The following CDH13 variants were observed in gnomAD, a reference collection of about 807,000 sequenced individuals.
The protein encoded by CDH13 is cadherin-13.
A neutral mutation model predicts 63.8 loss-of-function variants in CDH13; 24 were observed. The observed-to-expected ratio is 0.38, with a 90% CI of 0.27 to 0.53. The LOEUF (loss-of-function observed/expected upper bound fraction) is 0.53. Among genes scored for constraint, CDH13 ranks in the 20% least tolerant of loss-of-function variants. The pLI, the probability that CDH13 is intolerant of heterozygous loss-of-function variation, is 0.85. For missense variants in CDH13, 1,049 were observed against 903.1 expected (o/e 1.16, Z -2.07); for synonymous variants, 503 against 355.3 (o/e 1.42, Z -4.67).
chr16:83,026,746 C>T (rs1339698929), intron 2 of CDH13, among the ~76,000 whole-genome samples: 1 of 152,156 alleles, frequency 6.6e-6, no homozygotes, highest in Non-Finnish European at 1.5e-5. Context: ...ACTCAGGGAC[C>T]ACTCAATAAA....
intron 11 of CDH13, among the ~76,000 whole-genome samples, chr16:83,767,591 A>T (rs1189216649): frequency 4.6e-5 from 7 of 152,230 alleles, no homozygotes; most frequent in Non-Finnish European, 8.8e-5. Flanking sequence ...AAAAGTGGAA[A>T]CAACTCCAAT....
At chr16:82,851,518 C>G (rs1340971373) in intron 1 of CDH13, among the ~76,000 whole-genome samples, 1 of 152,022 alleles carries the variant, frequency 6.6e-6, no homozygotes, top group Non-Finnish European at 1.5e-5. Context: ...CCCCTTTTAC[C>G]TCCCCAAGAA....
At chr16:83,738,568 G>C (rs1303779248) in intron 10 of CDH13, among the ~76,000 whole-genome samples, 1 of 152,196 alleles carries the variant, frequency 6.6e-6, no homozygotes, top group Admixed American at 6.5e-5. Context: ...ATGTTTTCTT[G>C]TGATTCCAGC....
At chr16:82,834,865 G>T (rs967485204) in intron 1 of CDH13, among the ~76,000 whole-genome samples, 2 of 152,174 alleles carry the variant, frequency 1.3e-5, no homozygotes, top group Non-Finnish European at 2.9e-5. Context: ...ATTTTTAAGT[G>T]GTTGCATCTT....
intron 3 of CDH13, among the ~76,000 whole-genome samples, chr16:83,050,326 G>C (rs955252372): frequency 3.9e-5 from 6 of 152,008 alleles, no homozygotes; most frequent in African/African-American, 1.5e-4. Context: ...GGAATTGCTG[G>C]CTCATATGAT....
chr16:82,916,553 G>A (rs1474894852), intron 2 of CDH13, among the ~76,000 whole-genome samples: 3 of 149,928 alleles, frequency 2.0e-5, no homozygotes, highest in African/African-American at 4.9e-5. Context: ...CAGCCTGGGT[G>A]ACAGGGTGAG....
chr16:83,710,904 GTTGTGTAGCAT>G (rs1358243951), intron 10 of CDH13, among the ~76,000 whole-genome samples: 1 of 152,178 alleles, frequency 6.6e-6, no homozygotes, highest in East Asian at 1.9e-4. Flanking sequence ...CTCGATCATC[GTTGTGTAGCAT>G]TTGAAGGAGG....
rs150563585 is a variant in CDH13, at chr16:83,368,884, TTATATATATATATATATATATA to T, written c.781+23911_781+23932del. ...TATGGCTGAGTAGTAGTATTCCATG[TTATATATATATATATATATATA>T]TATATATATATATATATATATATAT... On this transcript the variant is annotated intron_variant, in intron 6 of 13. Coordinates refer to ENST00000567109, the MANE Select transcript of CDH13 (RefSeq NM_001257.5). 1.3e-3 allele frequency among the ~76,000 whole-genome samples: 60 copies of T among 47,702 alleles called. No individual in the cohort carries two copies. In the South Asian group the frequency reaches 0.022, roughly 18 times the overall value. The allele number at this position is 47,702 out of a possible 152,430, so 31.3% of individuals were successfully genotyped here. A position where few individuals can be genotyped will look rare whatever the true frequency, so the allele number is the denominator to read the frequency against.
chr16:82,664,587 C>G (rs1912367232), intron 1 of CDH13, among the ~76,000 whole-genome samples: 1 of 152,182 alleles, frequency 6.6e-6, no homozygotes, highest in Non-Finnish European at 1.5e-5. Flanking sequence ...CATTTGATGA[C>G]TGGGAGAAAG....
rs185663520 is a variant in CDH13, at chr16:82,770,869, G to A, written c.46-87493G>A. Among the ~76,000 whole-genome samples the A allele has an allele frequency of 4.9e-3, 747 of 152,118 alleles. 12 individuals are homozygous for A. Among genetic ancestry groups the A allele is most frequent in the Non-Finnish European group, 4.0e-3 (269 of 67,982 alleles). ...ACTAAAAGCGCACACTGCCATGCCC[G>A]GCTAATGTTTTGTATTTTAGTAGAG... On this transcript the variant is annotated intron_variant, in intron 1 of 13. Coordinates refer to ENST00000567109, the MANE Select transcript of CDH13 (RefSeq NM_001257.5).
chr16:83,464,273 G>T (rs756918751), intron 6 of CDH13, among the ~76,000 whole-genome samples: 3 of 152,052 alleles, frequency 2.0e-5, no homozygotes, highest in Non-Finnish European at 2.9e-5. Flanking sequence ...AGCACTTTGG[G>T]AGGCCAAGGT....
intron 8 of CDH13, among the ~76,000 whole-genome samples, chr16:83,648,902 C>A (rs1275408064): frequency 3.3e-5 from 5 of 152,010 alleles, no homozygotes; most frequent in African/African-American, 1.2e-4. Context: ...TCTTTTCCTG[C>A]CTTCTTTTTC....
intron 2 of CDH13, among the ~76,000 whole-genome samples, chr16:82,934,814 C>T (rs765594342): frequency 1.0e-3 from 158 of 152,354 alleles, no homozygotes; most frequent in Middle Eastern, 6.8e-3. Flanking sequence ...AGTTCCTCAT[C>T]TCTGTCTGAG....
intron 1 of CDH13, among the ~76,000 whole-genome samples, chr16:82,686,049 C>A (rs183590580): frequency 6.6e-5 from 10 of 152,120 alleles, no homozygotes; most frequent in African/African-American, 2.4e-4. Context: ...TTTTTTCTCC[C>A]AACTGCAAGT....
At chr16:82,882,873 G>C (rs1043105679) in intron 2 of CDH13, among the ~76,000 whole-genome samples, 8 of 152,108 alleles carry the variant, frequency 5.3e-5, no homozygotes, top group African/African-American at 1.9e-4. Flanking sequence ...AGAAAAAAAG[G>C]ATACTATGAT....
intron 3 of CDH13, among the ~76,000 whole-genome samples, chr16:83,101,135 T>G (rs550120078): frequency 8.1e-4 from 123 of 151,952 alleles, no homozygotes; most frequent in African/African-American, 2.9e-3. Flanking sequence ...ATCCCTGCAT[T>G]TATGGGGCTT....
intron 1 of CDH13, among the ~76,000 whole-genome samples, chr16:82,700,070 A>G (rs555206301): frequency 7.3e-6 from 1 of 137,364 alleles, no homozygotes; most frequent in Non-Finnish European, 1.5e-5. Flanking sequence ...GACACAAAGT[A>G]TATTTTATGG....
At chr16:83,341,210 C>T (rs746113018) in intron 5 of CDH13, among the ~76,000 whole-genome samples, 2 of 152,166 alleles carry the variant, frequency 1.3e-5, no homozygotes, top group African/African-American at 4.8e-5. Context: ...AGCATTATTC[C>T]AGTCTTTTCA....
chr16:83,263,580 A>G (rs886171269), intron 5 of CDH13, among the ~76,000 whole-genome samples: 1 of 152,236 alleles, frequency 6.6e-6, no homozygotes, highest in African/African-American at 2.4e-5. Flanking sequence ...AAAAAAACAA[A>G]ACAAAACAAA....
Sources: allele counts gnomAD v4.1 joint callset (sites outside exome capture counted in the v4.1 genomes callset), GRCh38; gene constraint gnomAD v4.1.1; transcripts MANE v1.5; gene names NCBI Gene and HGNC (gene_info 2026-07-23, HGNC 2026-07-21).